ODF2: variants seen among roughly 807,000 people sequenced by gnomAD.
The protein encoded by ODF2 is outer dense fiber of sperm tails 2.
A neutral mutation model predicts 110.2 loss-of-function variants in ODF2; 47 were observed. The observed-to-expected ratio is 0.43, with a 90% CI of 0.34 to 0.54. The LOEUF (loss-of-function observed/expected upper bound fraction) is 0.54. Ranked by LOEUF, ODF2 falls within the 20% of genes least tolerant of loss-of-function variation. The pLI, the probability that ODF2 is intolerant of heterozygous loss-of-function variation, is 0.03. For synonymous variants in ODF2, 352 were observed against 397.7 expected, an observed-to-expected ratio of 0.89 and a Z score of 1.37; for missense variants, 812 against 1,054.5, an observed-to-expected ratio of 0.77 and a Z score of 3.19.
At chr9:128,500,667 G>A (rs1289809109), downstream of ODF2, 1 of 158,772 alleles carries the variant, frequency 6.3e-6, no homozygotes, top group Non-Finnish European at 1.4e-5. Context: ...AAGTCGTCCT[G>A]GGCTGTAAGC....
chr9:128,465,319 G>A (rs1193831788), intron 4 of ODF2, among the ~76,000 whole-genome samples: 2 of 152,184 alleles, frequency 1.3e-5, no homozygotes, highest in Non-Finnish European at 2.9e-5. Flanking sequence ...GGAAGTTTGA[G>A]GAAGATATGG....
chr9:128,469,983 C>CAAACAAA (rs1839313406), intron 5 of ODF2, among the ~76,000 whole-genome samples: 1 of 6,366 alleles, frequency 1.6e-4, no homozygotes, highest in African/African-American at 4.6e-4. Flanking sequence ...GTCTCTGTCT[C>CAAACAAA]AAAAAAAAAA....
intron 20 of ODF2, among the ~76,000 whole-genome samples, chr9:128,499,772 G>A (rs1846252375): frequency 6.6e-6 from 1 of 152,072 alleles, no homozygotes; most frequent in African/African-American, 2.4e-5. Context: ...ATCACACCCA[G>A]CTAATTTTTG....
At chr9:128,484,045 G>A (rs768236723) in exon 11 of ODF2, 1 of 1,609,786 alleles carries the variant, frequency 6.2e-7, no homozygotes, top group Non-Finnish European at 8.5e-7. Flanking sequence ...GCCTGTGCAT[G>A]CAGATTAAGG....
downstream of ODF2, chr9:128,500,678 A>G (rs1133750): frequency 0.075 from 11,426 of 152,232 alleles, 568 homozygotes; most frequent in Middle Eastern, 0.12. Flanking sequence ...GGCTGTAAGC[A>G]CCATCACTTG....
At chr9:128,460,474 T>C (rs770630660) in intron 3 of ODF2, 76 bp from the exon 3 acceptor site, 17 of 1,576,818 alleles carry the variant, frequency 1.1e-5, no homozygotes, top group Non-Finnish European at 1.4e-5. Flanking sequence ...CCCCAGAGGC[T>C]GTGAGCTCTG....
intron 8 of ODF2, among the ~76,000 whole-genome samples, chr9:128,478,222 G>T (rs919980916): frequency 1.3e-5 from 2 of 152,088 alleles, no homozygotes; most frequent in African/African-American, 2.4e-5. Context: ...GGTCTTGAAC[G>T]CCTGACCTCA....
chr9:128,485,353 C>T lies in ODF2; in HGVS notation c.1291-12C>T. On this transcript the variant is annotated splice_polypyrimidine_tract_variant and intron_variant, in intron 12 of 20. Transcript: ENST00000604420. The surrounding 1 kb of genome is among the most constrained non-coding windows in gnomAD (Gnocchi z 5.0). ...CACTAGGCTAACAGGCCCTTTTGTC[C>T]CGTGTTCCCAGGATCTTTATGTCGC... 1 of 1,502,260 alleles carries T rather than the reference C, an allele frequency of 6.7e-7. No individual in the cohort carries two copies. The highest frequency in any genetic ancestry group is 9.2e-7 in the Non-Finnish European group (1 of 1,081,590). The allele number at this position is 1,502,260 out of a possible 1,614,324, so 93.1% of individuals were successfully genotyped here.
At chr9:128,462,604 G>GT (rs1350029190) in intron 4 of ODF2, among the ~76,000 whole-genome samples, 3,837 of 140,126 alleles carry the variant, frequency 0.027, 112 homozygotes, top group African/African-American at 0.075. Context: ...TTGTTTTTTT[G>GT]TTTTTTTTTT....
At chr9:128,455,524 A>G (rs55969420), upstream of ODF2, among the ~76,000 whole-genome samples, 10,139 of 131,142 alleles carry the variant, frequency 0.077, 514 homozygotes, top group Middle Eastern at 0.14. Flanking sequence ...ACTGCACTCC[A>G]GCCTGGGCAA....
intron 18 of ODF2, chr9:128,497,447 ATATATATAT>A (rs1390662982): frequency 1.6e-4 from 6 of 37,868 alleles, no homozygotes; most frequent in South Asian, 1.1e-3. Flanking sequence ...AAAAAAAAAA[ATATATATAT>A]ATATATATAT....
At chr9:128,479,642 G>T (rs943786490) in intron 8 of ODF2, among the ~76,000 whole-genome samples, 1 of 139,878 alleles carries the variant, frequency 7.1e-6, no homozygotes, top group African/African-American at 2.8e-5. Context: ...CCCTAGAGAG[G>T]CACTTTGTAT....
intron 14 of ODF2, among the ~76,000 whole-genome samples, chr9:128,490,145 C>T (rs961374906): frequency 6.6e-6 from 1 of 152,096 alleles, no homozygotes; most frequent in Non-Finnish European, 1.5e-5. Flanking sequence ...CCTGGGCAAC[C>T]CCAGCAAGAC....
chr9:128,496,469 G>T (rs1845575037), intron 18 of ODF2, among the ~76,000 whole-genome samples: 1 of 152,192 alleles, frequency 6.6e-6, no homozygotes, highest in African/African-American at 2.4e-5. Flanking sequence ...TGTGGTGGGG[G>T]CACTTCCCCA....
intron 13 of ODF2, among the ~76,000 whole-genome samples, 180 bp from the exon 14 acceptor site, chr9:128,487,710 A>C (rs1843646159): frequency 6.6e-6 from 1 of 151,538 alleles, no homozygotes; most frequent in Admixed American, 6.6e-5. Context: ...TGGCATGAAC[A>C]CGGGAGGCGG....
At chr9:128,457,494 C>G in intron 2 of ODF2, 1 of 1,523,698 alleles carries the variant, frequency 6.6e-7, no homozygotes, top group Non-Finnish European at 8.8e-7. Flanking sequence ...GGCCAGGGGT[C>G]CCCAGGGCAG....
At chr9:128,486,621 C>T (rs975274082) in intron 13 of ODF2, among the ~76,000 whole-genome samples, 2 of 152,250 alleles carry the variant, frequency 1.3e-5, no homozygotes, top group East Asian at 1.9e-4. Context: ...AGGCCACAGT[C>T]TCTGCTCTTT....
intron 8 of ODF2, among the ~76,000 whole-genome samples, chr9:128,479,594 A>G (rs957329514): frequency 5.9e-5 from 9 of 152,114 alleles, no homozygotes; most frequent in Non-Finnish European, 2.9e-5. Context: ...CACAAATCTC[A>G]GACCTTCCGA....
intron 13 of ODF2, among the ~76,000 whole-genome samples, chr9:128,486,857 C>T (rs984009520): frequency 1.3e-5 from 2 of 152,170 alleles, no homozygotes; most frequent in African/African-American, 4.8e-5. Flanking sequence ...TGCTCAGGGC[C>T]CTGCTGGAGA....
Sources: gnomAD v4.1 joint callset for allele counts (sites outside exome capture counted in the v4.1 genomes callset) on GRCh38, gnomAD v4.1.1 for gene constraint, Gnocchi (gnomAD v3.1) non-coding constraint, MANE v1.5 for transcripts, NCBI Gene and HGNC (gene_info 2026-07-23, HGNC 2026-07-21) for gene names.